Variants in BCL7A observed in about 807,000 individuals in gnomAD.
BCL7A encodes the protein B-cell CLL/lymphoma 7 protein family member A.
In BCL7A, 11 loss-of-function variants were observed where a neutral mutation model predicts 28.4. That is an observed-to-expected ratio of 0.39 (90% CI 0.24 to 0.64). BCL7A has a LOEUF of 0.64. BCL7A is among the 30% of genes least tolerant of loss of function. The probability of loss-of-function intolerance (pLI) is 0.50; values close to 1 mark genes in which losing one functional copy is unlikely to be tolerated. For synonymous variants in BCL7A, 123 were observed against 103.3 expected (o/e 1.19, Z -1.15); for missense variants, 222 against 274.8 (o/e 0.81, Z 1.36).
chr12:122,044,670 T>G (rs1884035239), intron 4 of BCL7A, among the ~76,000 whole-genome samples: 4 of 151,800 alleles, frequency 2.6e-5, no homozygotes. Context: ...AAAAAAATGC[T>G]TTAAGATGAG....
chr12:122,035,692 G>A (rs1177058199), intron 3 of BCL7A, among the ~76,000 whole-genome samples: 1 of 152,196 alleles, frequency 6.6e-6, no homozygotes, highest in African/African-American at 2.4e-5. Context: ...CAAGAACCCC[G>A]CAGGAGATGT....
chr12:122,047,793 T>C (rs1387074861), intron 4 of BCL7A, among the ~76,000 whole-genome samples: 1 of 151,660 alleles, frequency 6.6e-6, no homozygotes, highest in Non-Finnish European at 1.5e-5. Context: ...CCCAAAGTGC[T>C]GAGATTACAG....
intron 2 of BCL7A, among the ~76,000 whole-genome samples, chr12:122,033,811 T>C (rs1883790650): frequency 6.6e-6 from 1 of 152,160 alleles, no homozygotes; most frequent in Admixed American, 6.5e-5. Context: ...TGTGCACCTG[T>C]CACCACTGTA....
intron 1 of BCL7A, among the ~76,000 whole-genome samples, chr12:122,025,240 G>C (rs1883594311): frequency 6.6e-6 from 1 of 152,152 alleles, no homozygotes; most frequent in South Asian, 2.1e-4. Flanking sequence ...GCTCACGCCT[G>C]TAATCCCAGA....
At chr12:122,037,989 C>G (rs377580027) in intron 3 of BCL7A, among the ~76,000 whole-genome samples, 13 of 151,918 alleles carry the variant, frequency 8.6e-5, no homozygotes, top group African/African-American at 3.1e-4. Context: ...GGTGTAGTGG[C>G]GGGCACCTGT....
At chr12:122,052,505 C>T (rs1192558224) in intron 4 of BCL7A, among the ~76,000 whole-genome samples, 1 of 152,192 alleles carries the variant, frequency 6.6e-6, no homozygotes, top group Non-Finnish European at 1.5e-5. Context: ...CTCCACTTCT[C>T]CCTTCCCCAG....
At chr12:122,039,214 G>A (rs774163332) in intron 3 of BCL7A, among the ~76,000 whole-genome samples, 1 of 150,990 alleles carries the variant, frequency 6.6e-6, no homozygotes, top group Non-Finnish European at 1.5e-5. Flanking sequence ...AGAGAATGGC[G>A]TGAACCTGGG....
chr12:122,049,995 G>A (rs1351182049), intron 4 of BCL7A, among the ~76,000 whole-genome samples: 1 of 152,094 alleles, frequency 6.6e-6, no homozygotes, highest in African/African-American at 2.4e-5. Flanking sequence ...GTTTTTCTGA[G>A]ACGGAGTCTC....
At chr12:122,026,315 C>A (rs956720647) in intron 1 of BCL7A, among the ~76,000 whole-genome samples, 2 of 151,958 alleles carry the variant, frequency 1.3e-5, no homozygotes, top group Non-Finnish European at 2.9e-5. Flanking sequence ...TGGTGACCCT[C>A]GTCTGTAATC....
At chr12:122,050,116 AC>A (rs1414332968) in intron 4 of BCL7A, among the ~76,000 whole-genome samples, 14 of 152,140 alleles carry the variant, frequency 9.2e-5, no homozygotes, top group African/African-American at 3.1e-4. Context: ...AGCTGGGACT[AC>A]AGGCGTGCAT....
intron 4 of BCL7A, among the ~76,000 whole-genome samples, chr12:122,051,438 T>A (rs770555791): frequency 6.6e-6 from 1 of 152,218 alleles, no homozygotes; most frequent in Non-Finnish European, 1.5e-5. Flanking sequence ...ATAATTCCTG[T>A]CCAAGCTCCC....
intron 4 of BCL7A, among the ~76,000 whole-genome samples, chr12:122,047,973 G>A (rs1442269920): frequency 7.2e-6 from 1 of 138,008 alleles, no homozygotes; most frequent in African/African-American, 2.8e-5. Flanking sequence ...GTGCAACCTT[G>A]GTTCACCACA....
intron 5 of BCL7A, among the ~76,000 whole-genome samples, chr12:122,056,328 C>A (rs1431946785): frequency 2.0e-5 from 3 of 151,800 alleles, no homozygotes; most frequent in Non-Finnish European, 4.4e-5. Flanking sequence ...TGCCAGGAGT[C>A]CCCCATTCTC....
At chr12:122,040,112 A>G (rs991281386) in intron 3 of BCL7A, among the ~76,000 whole-genome samples, 30 of 152,338 alleles carry the variant, frequency 2.0e-4, no homozygotes, top group African/African-American at 7.2e-4. Context: ...TTTGAGTCTA[A>G]TAACCAACCG....
chr12:122,025,318 C>CA (rs1326944596), intron 1 of BCL7A, among the ~76,000 whole-genome samples: 12 of 132,308 alleles, frequency 9.1e-5, no homozygotes, highest in East Asian at 4.3e-4. Context: ...GGTCTCAAAC[C>CA]AAAAAAAAAG....
At chr12:122,034,190 C>CATAT (rs55770934) in intron 2 of BCL7A, among the ~76,000 whole-genome samples, 21 of 97,602 alleles carry the variant, frequency 2.2e-4, no homozygotes, top group Admixed American at 2.8e-4. Context: ...CTGCATCTTT[C>CATAT]ATATATATAT....
intron 3 of BCL7A, among the ~76,000 whole-genome samples, chr12:122,040,404 GCA>G (rs1883942575): frequency 6.6e-6 from 1 of 151,614 alleles, no homozygotes; most frequent in Non-Finnish European, 1.5e-5. Context: ...ATGGTGGTGG[GCA>G]CCTGTAATCC....
rs61508830 is a variant in BCL7A at position 122,049,069 on chromosome 12, CA to C, written c.439+5025del. On this transcript the variant is annotated intron_variant, in intron 4 of 5. Transcript: ENST00000261822. Reference sequence around the variant, plus strand: ...ATATATATATACATATACACACACACAAAAAAAAATACATAAAACTATAGGC... The same window carrying C: ...ATATATATATACATATACACACACACAAAAAAAATACATAAAACTATAGGC... Among the ~76,000 whole-genome samples, 43 of 100,892 alleles carry C rather than the reference CA, an allele frequency of 4.3e-4. 1 individual carries two copies. The East Asian group carries it at 4.9e-3, about 11-fold the overall frequency. The allele number at this position is 100,892 out of a possible 152,430, so 66.2% of individuals were successfully genotyped here.
intron 1 of BCL7A, among the ~76,000 whole-genome samples, chr12:122,022,982 C>T (rs1593019579): frequency 2.6e-5 from 4 of 152,232 alleles, no homozygotes; most frequent in Admixed American, 6.5e-5. Flanking sequence ...ACACCGGGAG[C>T]TCGTGTTTGT....
Sources: allele counts gnomAD v4.1 joint callset (sites outside exome capture counted in the v4.1 genomes callset), GRCh38; gene constraint gnomAD v4.1.1; transcripts MANE v1.5; gene names NCBI Gene and HGNC (gene_info 2026-07-23, HGNC 2026-07-21).